The following VTA1 variants were observed in gnomAD, a reference collection of about 807,000 sequenced individuals.
VTA1 encodes vesicle trafficking 1, also known as vacuolar protein sorting-associated protein VTA1 homolog.
A neutral mutation model predicts 36.9 loss-of-function variants in VTA1; 24 were observed. The observed-to-expected ratio is 0.65, with a 90% CI of 0.47 to 0.91. VTA1 has a LOEUF of 0.91. VTA1 is among the 40% of genes least tolerant of loss of function. The probability of loss-of-function intolerance (pLI) is 0.00; values close to 1 mark genes in which losing one functional copy is unlikely to be tolerated. For synonymous variants in VTA1, 142 were observed against 130.2 expected (o/e 1.09, Z -0.62); for missense variants, 393 against 377.2 (o/e 1.04, Z -0.35).
intron 5 of VTA1, among the ~76,000 whole-genome samples, chr6:142,196,632 T>G (rs1283612727): frequency 6.6e-6 from 1 of 152,168 alleles, no homozygotes; most frequent in Non-Finnish European, 1.5e-5. Context: ...TATGTCCATG[T>G]TTTACTTTGT....
Position 142,147,293 on chromosome 6 carries a change from C to G in VTA1, c.6C>G (p.Ala2=), listed in dbSNP as rs774098368. 7 of 1,614,162 alleles carry G rather than the reference C, an allele frequency of 4.3e-6. No homozygotes were observed. The highest frequency in any genetic ancestry group is 3.4e-6 in the Non-Finnish European group (4 of 1,180,020). The change falls in exon 1 of 8, where the codon GCC becomes GCG. Residue 2 remains alanine (A), a synonymous_variant. Coordinates refer to ENST00000367630, the MANE Select transcript of VTA1 (RefSeq NM_016485.5). ...GTGGTGAGTTCGGAGTAGAGATGGC[C>G]GCGCTTGCACCGCTGCCCCCGCTCC... M[A]ALAPLPPLPA...
At chr6:142,198,161 G>GTGTA (rs765515163) in intron 5 of VTA1, among the ~76,000 whole-genome samples, 1 of 79,740 alleles carries the variant, frequency 1.3e-5, no homozygotes, top group East Asian at 2.5e-4. Flanking sequence ...GTGTGTGTGT[G>GTGTA]TGTATATGTG....
intron 5 of VTA1, 136 bp from the exon 6 acceptor site, chr6:142,198,303 T>C (rs1347915591): frequency 1.5e-6 from 1 of 688,714 alleles, no homozygotes; most frequent in African/African-American, 1.9e-5. Flanking sequence ...GTTTTAAGAA[T>C]AGAGCTTGCT....
At chr6:142,203,034 C>A (rs565703457) in intron 6 of VTA1, among the ~76,000 whole-genome samples, 112 of 152,018 alleles carry the variant, frequency 7.4e-4, no homozygotes, top group South Asian at 1.5e-3. Context: ...GTCAAAACTT[C>A]TTACCAGAAG....
At chr6:142,198,113 A>ATGTGTGTGTGTG (rs1414329840) in intron 5 of VTA1, among the ~76,000 whole-genome samples, 178 of 116,952 alleles carry the variant, frequency 1.5e-3, no homozygotes, top group African/African-American at 6.0e-3. Flanking sequence ...AAATATATAT[A>ATGTGTGTGTGTG]TATATATGTG....
In VTA1 at chr6:142,199,742, A is replaced by G. The variant is rs544930564; in HGVS notation, c.697+1127A>G. Among the ~76,000 whole-genome samples the G allele has an allele frequency of 5.9e-5, 9 of 152,242 alleles. No homozygotes were observed. In the South Asian group the frequency reaches 1.9e-3, roughly 32 times the overall value. On this transcript the variant is annotated intron_variant, in intron 6 of 7. Transcript: ENST00000367630. Reference sequence around the variant, plus strand: ...CGTTTTCTTTAAGATTATTGATGAAATGATAATTTTAGCACTGATCTTTTT... The same window carrying G: ...CGTTTTCTTTAAGATTATTGATGAAGTGATAATTTTAGCACTGATCTTTTT...
chr6:142,214,041 A>G (rs1333446207), intron 7 of VTA1, among the ~76,000 whole-genome samples: 1 of 152,004 alleles, frequency 6.6e-6, no homozygotes, highest in Non-Finnish European at 1.5e-5. Context: ...AATTTTCCAT[A>G]CTTTTATGCT....
intron 4 of VTA1, among the ~76,000 whole-genome samples, chr6:142,176,691 TA>T (rs1331079226): frequency 2.6e-5 from 4 of 152,136 alleles, no homozygotes; most frequent in Non-Finnish European, 5.9e-5. Context: ...AGAGAAAATT[TA>T]AAAAGGCATA....
chr6:142,156,224 T>TA lies in VTA1; in HGVS notation c.112+8833dup, dbSNP rs1006683069. Among the ~76,000 whole-genome samples, 21 of 151,826 alleles carry TA rather than the reference T, an allele frequency of 1.4e-4. No homozygotes were observed. In the East Asian group the frequency reaches 2.7e-3, roughly 20 times the overall value. On this transcript the variant is annotated intron_variant, in intron 1 of 7. Coordinates refer to ENST00000367630, the MANE Select transcript of VTA1 (RefSeq NM_016485.5). ...AAGACTCGAATAAACAAAGTCAGATTAAAAAAAACGGTTGAATGAAAAATT... is the reference window on the plus strand; with the variant it reads ...AAGACTCGAATAAACAAAGTCAGATTAAAAAAAAACGGTTGAATGAAAAATT...
At chr6:142,177,698 G>A (rs1343380196) in intron 4 of VTA1, among the ~76,000 whole-genome samples, 1 of 152,148 alleles carries the variant, frequency 6.6e-6, no homozygotes, top group Non-Finnish European at 1.5e-5. Context: ...ATCAGTTCGT[G>A]TAGTCCATTC....
intron 4 of VTA1, among the ~76,000 whole-genome samples, chr6:142,179,499 A>G (rs926080756): frequency 1.3e-5 from 2 of 152,218 alleles, no homozygotes; most frequent in Admixed American, 1.3e-4. Flanking sequence ...ACTGGTAAAC[A>G]CATTGGGGTA....
intron 7 of VTA1, among the ~76,000 whole-genome samples, chr6:142,209,067 A>C (rs187863077): frequency 6.3e-4 from 96 of 152,274 alleles, no homozygotes; most frequent in Admixed American, 2.4e-3. Context: ...GAAAAGGAAG[A>C]AGTCAAATTA....
rs754524333 is a variant in VTA1 at position 142,222,194 on chromosome 6, C to G, written c.*3551C>G. 6.6e-6 allele frequency: 1 copy of G among 152,114 alleles called. No individual in the cohort carries two copies. The highest frequency in any genetic ancestry group is 2.4e-5 in the African/African-American group (1 of 41,418). 9.4% of individuals were successfully genotyped at this position (152,114 alleles called of 1,614,324 possible). On this transcript the variant is annotated 3_prime_UTR_variant, in exon 8 of 8. Transcript: ENST00000367630. ...CCTGAAAGGAATGAGTAATCATGTACTGCAGTAGGGAAAGTTGCCGAATTC... is the reference window on the plus strand; with the variant it reads ...CCTGAAAGGAATGAGTAATCATGTAGTGCAGTAGGGAAAGTTGCCGAATTC...
Position 142,221,768 on chromosome 6 carries a change from AAT to A in VTA1, c.*3128_*3129del, listed in dbSNP as rs1776114694. 1 of 148,256 alleles carries A rather than the reference AAT, an allele frequency of 6.7e-6. No homozygotes were observed. Among genetic ancestry groups the A allele is most frequent in the Non-Finnish European group, 1.5e-5 (1 of 67,252 alleles). 9.2% of individuals were successfully genotyped at this position (148,256 alleles called of 1,614,324 possible). A position where few individuals can be genotyped will look rare whatever the true frequency, so the allele number is the denominator to read the frequency against. ...AGGAGTATATATTTATTAATATATAAATATGTATTTATATATAAATCATAAAT... is the reference window on the plus strand; with the variant it reads ...AGGAGTATATATTTATTAATATATAAATGTATTTATATATAAATCATAAAT... On this transcript the variant is annotated 3_prime_UTR_variant, in exon 8 of 8. Transcript: ENST00000367630.
chr6:142,169,654 A>G lies in VTA1; in HGVS notation c.312A>G (p.Glu104=), dbSNP rs369761691. ...AAATGTTTTTGTATGCAGACAATGAAGATCGTGCTGGACGATTTCACAAGT... is the reference window on the plus strand; with the variant it reads ...AAATGTTTTTGTATGCAGACAATGAGGATCGTGCTGGACGATTTCACAAGT... ...ALKMFLYADN[E]DRAGRFHKNM... Residue 104 remains glutamate (E), a synonymous_variant, in exon 3 of 8, where the codon GAA becomes GAG. Transcript: ENST00000367630. 2.5e-6 allele frequency: 4 copies of G among 1,605,168 alleles called. No individual in the cohort carries two copies. The highest frequency in any genetic ancestry group is 2.5e-6 in the Non-Finnish European group (3 of 1,177,772).
At chr6:142,209,823 A>G (rs1370458609) in intron 7 of VTA1, among the ~76,000 whole-genome samples, 2 of 152,142 alleles carry the variant, frequency 1.3e-5, no homozygotes, top group South Asian at 2.1e-4. Flanking sequence ...TAAAATGACA[A>G]TACTACCCAA....
chr6:142,212,099 A>G (rs1338170588), intron 7 of VTA1, among the ~76,000 whole-genome samples: 2 of 152,242 alleles, frequency 1.3e-5, no homozygotes, highest in African/African-American at 2.4e-5. Context: ...ATTTTAAAAG[A>G]CAGTTTGGCA....
chr6:142,195,487 G>C (rs1035181804), intron 5 of VTA1, among the ~76,000 whole-genome samples: 14 of 151,068 alleles, frequency 9.3e-5, no homozygotes, highest in African/African-American at 3.2e-4. Context: ...TCTTGACAGA[G>C]ATGTTTTAAT....
Position 142,212,816 on chromosome 6 carries a change from G to A in VTA1, c.779-5682G>A, listed in dbSNP as rs150430376. Among the ~76,000 whole-genome samples, 709 of 152,212 alleles carry A rather than the reference G, an allele frequency of 4.7e-3. 16 individuals carry two copies. Among genetic ancestry groups the A allele is most frequent in the East Asian group, 0.033 (170 of 5,160 alleles). The stretch of plus-strand genomic sequence containing the variant: ...ACACACTTTTAAACCATCAGATCTC[G>A]TGAGACCTCACTATCACAAGAATAA... On this transcript the variant is annotated intron_variant, in intron 7 of 7. Transcript: ENST00000367630.
Sources: gnomAD v4.1 joint callset for allele counts (sites outside exome capture counted in the v4.1 genomes callset) on GRCh38, gnomAD v4.1.1 for gene constraint, MANE v1.5 for transcripts, NCBI Gene and HGNC (gene_info 2026-07-23, HGNC 2026-07-21) for gene names.